Variants in AAK1 observed in about 807,000 individuals in gnomAD.
AAK1 encodes AP2 associated kinase 1.
A neutral mutation model predicts 116.0 loss-of-function variants in AAK1; 37 were observed. The ratio of observed to expected loss-of-function variants is 0.32; its 90% CI spans 0.25 to 0.42. The LOEUF (loss-of-function observed/expected upper bound fraction) is 0.42. Ranked by LOEUF, AAK1 falls within the 10% of genes least tolerant of loss-of-function variation. The pLI is 1.00. For synonymous variants in AAK1, 458 were observed against 439.9 expected, an observed-to-expected ratio of 1.04 and a Z score of -0.51; for missense variants, 919 against 1,170.6, an observed-to-expected ratio of 0.79 and a Z score of 3.14.
At chr2:69,606,594 C>A (rs1673807196) in intron 2 of AAK1, among the ~76,000 whole-genome samples, 1 of 152,188 alleles carries the variant, frequency 6.6e-6, no homozygotes, top group South Asian at 2.1e-4. Context: ...CGCTGAATGA[C>A]ACTAGAAGCC....
rs543647782 is a variant in AAK1, at chr2:69,556,283, A to G, written c.282+577T>C. Among the ~76,000 whole-genome samples, 29 of 152,246 alleles carry G rather than the reference A, an allele frequency of 1.9e-4. No individual in the cohort carries two copies. The South Asian group carries it at 5.8e-3, about 30-fold the overall frequency. On this transcript the variant is annotated intron_variant, in intron 3 of 21. Transcript: ENST00000409085. ...CCTGAATAACCACGTTCTGATTTCTATCTCCACAGATAATGTTGCCTGTTC... is the reference window on the plus strand; with the variant it reads ...CCTGAATAACCACGTTCTGATTTCTGTCTCCACAGATAATGTTGCCTGTTC...
Position 69,473,440 on chromosome 2 carries a change from C to G in AAK1, c.*2429G>C, listed in dbSNP as rs551852331. 2.9e-4 allele frequency: 283 copies of G among 985,288 alleles called. No homozygotes were observed. Among genetic ancestry groups the G allele is most frequent in the Non-Finnish European group, 3.3e-4 (272 of 829,926 alleles). The allele number at this position is 985,288 out of a possible 1,614,324, so 61.0% of individuals were successfully genotyped here. ...CAAAGCACTCATATGTGTTCCTTAA[C>G]AGAAAAATAGTTCTCCCCTTTGAGG... On this transcript the variant is annotated 3_prime_UTR_variant, in exon 22 of 22. Transcript: ENST00000409085.
At chr2:69,567,528 T>A (rs1671928117) in intron 2 of AAK1, among the ~76,000 whole-genome samples, 1 of 152,174 alleles carries the variant, frequency 6.6e-6, no homozygotes, top group South Asian at 2.1e-4. Context: ...TGTTATACAA[T>A]GTGTTTGCTG....
chr2:69,511,179 A>T (rs1301205381), intron 13 of AAK1, among the ~76,000 whole-genome samples: 1 of 151,898 alleles, frequency 6.6e-6, no homozygotes, highest in Non-Finnish European at 1.5e-5. Context: ...CCATGCTGCA[A>T]CTCAGTTCAG....
In AAK1 at chr2:69,642,992, C is replaced by T. The variant is rs1408047784; in HGVS notation, c.49G>A (p.Gly17Ser). 3.1e-6 allele frequency: 5 copies of T among 1,612,076 alleles called. No homozygotes were observed. The highest frequency in any genetic ancestry group is 3.4e-6 in the Non-Finnish European group (4 of 1,179,204). ...CCCCCTCCTCCGCTGGAGCCGGAGC[C>T]CAGGCCAGAGCCGCCCTGCTCTCGC... Reference protein sequence around the residue: ...SRREQGGSGLGSGSSGGGGST... With the variant: ...SRREQGGSGLSSGSSGGGGST... Residue 17 changes from glycine (G) to serine (S), a missense_variant, in exon 2 of 22, where the codon GGC becomes AGC. Coordinates refer to ENST00000409085, the MANE Select transcript of AAK1 (RefSeq NM_014911.5).
intron 12 of AAK1, among the ~76,000 whole-genome samples, chr2:69,517,452 T>C (rs773851639): frequency 2.0e-5 from 3 of 151,964 alleles, no homozygotes; most frequent in Non-Finnish European, 2.9e-5. Flanking sequence ...AATACACCGA[T>C]TGATCTTTTT....
chr2:69,628,281 T>C (rs1370493423), intron 2 of AAK1, among the ~76,000 whole-genome samples: 1 of 144,512 alleles, frequency 6.9e-6, no homozygotes, highest in African/African-American at 2.8e-5. Flanking sequence ...CCCTGTTTCT[T>C]TTCTTTTTTT....
At chr2:69,640,842 C>T (rs1258625271) in intron 2 of AAK1, among the ~76,000 whole-genome samples, 1 of 152,202 alleles carries the variant, frequency 6.6e-6, no homozygotes, top group Non-Finnish European at 1.5e-5. Context: ...GGCCACTGCA[C>T]CCTAAGTTTA....
intron 5 of AAK1, among the ~76,000 whole-genome samples, chr2:69,541,888 C>A (rs1359017805): frequency 6.6e-6 from 1 of 152,162 alleles, no homozygotes; most frequent in South Asian, 2.1e-4. Flanking sequence ...TGGCACTGTC[C>A]TTCCTAGTTA....
Position 69,475,520 on chromosome 2 carries a change from A to C in AAK1, c.*349T>G. 1 of 1,046,218 alleles carries C rather than the reference A, an allele frequency of 9.6e-7. No homozygotes were observed. Among genetic ancestry groups the C allele is most frequent in the Non-Finnish European group, 1.2e-6 (1 of 867,612 alleles). 64.8% of individuals were successfully genotyped at this position (1,046,218 alleles called of 1,614,324 possible). Reference sequence around the variant, plus strand: ...GCCATTCCTAGCAAGAACGAGACAAAAGTGTCAATTCACTAGTTTCAGTTA... The same window carrying C: ...GCCATTCCTAGCAAGAACGAGACAACAGTGTCAATTCACTAGTTTCAGTTA... On this transcript the variant is annotated 3_prime_UTR_variant, in exon 22 of 22. Transcript: ENST00000409085.
intron 2 of AAK1, among the ~76,000 whole-genome samples, chr2:69,600,103 A>G (rs1422980683): frequency 6.6e-6 from 1 of 151,934 alleles, no homozygotes; most frequent in East Asian, 1.9e-4. Flanking sequence ...TTTAGATGTC[A>G]CTGTCTCATT....
chr2:69,624,590 T>C (rs758002761), intron 2 of AAK1, among the ~76,000 whole-genome samples: 1 of 152,252 alleles, frequency 6.6e-6, no homozygotes, highest in Non-Finnish European at 1.5e-5. Flanking sequence ...TCCACTATCA[T>C]AATAGATTAA....
intron 2 of AAK1, among the ~76,000 whole-genome samples, chr2:69,591,151 C>T (rs1572986547): frequency 6.6e-6 from 1 of 152,202 alleles, no homozygotes; most frequent in South Asian, 2.1e-4. Flanking sequence ...TCATCAGTCA[C>T]TCTCTATGAC....
intron 2 of AAK1, among the ~76,000 whole-genome samples, chr2:69,624,065 GAAGGGAGGGAGCTAGAGGAGA>G (rs1459206702): frequency 1.3e-5 from 2 of 152,046 alleles, no homozygotes; most frequent in East Asian, 3.9e-4. Context: ...AAAAGAGAAG[GAAGGGAGGGAGCTAGAGGAGA>G]AAGGGAGAGA....
At chr2:69,611,861 T>C (rs1471300214) in intron 2 of AAK1, among the ~76,000 whole-genome samples, 2 of 152,226 alleles carry the variant, frequency 1.3e-5, no homozygotes, top group African/African-American at 2.4e-5. Context: ...GGATGAACTC[T>C]GAAGACATTA....
chr2:69,484,517 G>C (rs1675213377), intron 17 of AAK1, among the ~76,000 whole-genome samples: 1 of 152,180 alleles, frequency 6.6e-6, no homozygotes, highest in South Asian at 2.1e-4. Flanking sequence ...GGACGGCTGG[G>C]TGCAGTGGCT....
chr2:69,561,903 C>A (rs527623772), intron 2 of AAK1, among the ~76,000 whole-genome samples: 4 of 152,314 alleles, frequency 2.6e-5, no homozygotes, highest in Admixed American at 2.0e-4. Flanking sequence ...TCATCTTCAT[C>A]GTTCCATGTA....
chr2:69,614,781 T>A (rs148549793), intron 2 of AAK1, among the ~76,000 whole-genome samples: 1 of 152,218 alleles, frequency 6.6e-6, no homozygotes, highest in South Asian at 2.1e-4. Context: ...ATAAGTGTCC[T>A]TAGAAGAGAC....
At chr2:69,622,152 G>C (rs1025646004) in intron 2 of AAK1, among the ~76,000 whole-genome samples, 3 of 152,244 alleles carry the variant, frequency 2.0e-5, no homozygotes, top group African/African-American at 7.2e-5. Flanking sequence ...AGGTGGGCGT[G>C]GGCTTGGTGG....
Sources: allele counts gnomAD v4.1 joint callset (sites outside exome capture counted in the v4.1 genomes callset), GRCh38; gene constraint gnomAD v4.1.1; transcripts MANE v1.5; gene names NCBI Gene and HGNC (gene_info 2026-07-23, HGNC 2026-07-21).